The following SORCS2 variants were observed in gnomAD, a reference collection of about 807,000 sequenced individuals.
The protein encoded by SORCS2 is sortilin related VPS10 domain containing receptor 2.
In SORCS2, 100 loss-of-function variants were observed where a neutral mutation model predicts 141.6. That is an observed-to-expected ratio of 0.71 (90% CI 0.60 to 0.83). The LOEUF is 0.83. Among genes scored for constraint, SORCS2 ranks in the 40% least tolerant of loss-of-function variants. The pLI is 0.00. For missense variants in SORCS2, 1,646 were observed against 1,560.2 expected, an observed-to-expected ratio of 1.05 and a Z score of -0.93; for synonymous variants, 789 against 676.9, an observed-to-expected ratio of 1.17 and a Z score of -2.57.
chr4:7,739,722 C>T (rs567579909), intron 26 of SORCS2, among the ~76,000 whole-genome samples: 152 of 152,262 alleles, frequency 1.0e-3, no homozygotes, highest in African/African-American at 3.4e-3. Flanking sequence ...GGGTCCTCGA[C>T]CTGTCTCCTT....
rs192390335 is a variant in SORCS2, at chr4:7,329,570, A to T, written c.481-66718A>T. ...TCTTCATGGCAGGTTTCTTTGGTGA[A>T]GACCTTCAGCCCAGTTCTCCTGCCA... On this transcript the variant is annotated intron_variant, in intron 1 of 26. Transcript: ENST00000507866. 1.1e-4 allele frequency among the ~76,000 whole-genome samples: 16 copies of T among 152,330 alleles called. No homozygotes were observed. In the East Asian group the frequency reaches 3.1e-3, roughly 29 times the overall value.
intron 2 of SORCS2, among the ~76,000 whole-genome samples, chr4:7,487,802 C>A (rs1421249893): frequency 1.3e-5 from 2 of 152,156 alleles, no homozygotes; most frequent in East Asian, 3.9e-4. Context: ...AGCTACGGTA[C>A]CGAGGGCTCT....
intron 2 of SORCS2, among the ~76,000 whole-genome samples, chr4:7,405,696 TC>T (rs1175175232): frequency 6.6e-6 from 1 of 152,116 alleles, no homozygotes; most frequent in Non-Finnish European, 1.5e-5. Flanking sequence ...TGATTTGGTA[TC>T]CTGCAACTTT....
chr4:7,503,001 G>A (rs984748340), intron 2 of SORCS2, among the ~76,000 whole-genome samples: 5 of 152,322 alleles, frequency 3.3e-5, no homozygotes, highest in Non-Finnish European at 5.9e-5. Flanking sequence ...AGTTCCACCC[G>A]ATTTCACGTT....
chr4:7,574,988 C>G (rs1715653208), intron 3 of SORCS2, among the ~76,000 whole-genome samples: 1 of 152,248 alleles, frequency 6.6e-6, no homozygotes, highest in Admixed American at 6.5e-5. Context: ...ATTGTCTCAC[C>G]TCAGTGAAGG....
chr4:7,538,587 T>TCACA (rs34526550), intron 3 of SORCS2, among the ~76,000 whole-genome samples: 2,650 of 150,676 alleles, frequency 0.018, 66 homozygotes, highest in African/African-American at 0.059. Flanking sequence ...AATATTAAAA[T>TCACA]CACACACACA....
At chr4:7,689,982 G>A (rs1724117911) in intron 11 of SORCS2, among the ~76,000 whole-genome samples, 1 of 152,062 alleles carries the variant, frequency 6.6e-6, no homozygotes, top group Non-Finnish European at 1.5e-5. Context: ...GGATGATGGT[G>A]GATGGGTGGT....
intron 2 of SORCS2, among the ~76,000 whole-genome samples, chr4:7,416,613 GAC>G (rs1491492567): frequency 1.3e-5 from 2 of 151,794 alleles, no homozygotes; most frequent in African/African-American, 2.4e-5. Flanking sequence ...CGTATACACA[GAC>G]ACGCATATGG....
chr4:7,640,352 G>C (rs1022679185), intron 4 of SORCS2, among the ~76,000 whole-genome samples: 5 of 150,404 alleles, frequency 3.3e-5, no homozygotes, highest in Non-Finnish European at 7.4e-5. Flanking sequence ...GAGTGTGAGA[G>C]CCTATGTGAG....
At position 7,741,161 on chromosome 4, in the gene SORCS2, C is replaced by A; in HGVS notation, c.*897C>A. On this transcript the variant is annotated 3_prime_UTR_variant, in exon 27 of 27. Transcript: ENST00000507866. ...CCCCCAGAAAGGTGGGTGGTGGAGACGGCACCAGATGTACCAGTTTTCTGC... is the reference window on the plus strand; with the variant it reads ...CCCCCAGAAAGGTGGGTGGTGGAGAAGGCACCAGATGTACCAGTTTTCTGC... The A allele has an allele frequency of 2.5e-6, 1 of 398,618 alleles. No homozygotes were observed. Among genetic ancestry groups the A allele is most frequent in the Non-Finnish European group, 4.4e-6 (1 of 226,106 alleles). The allele number at this position is 398,618 out of a possible 1,614,324, so 24.7% of individuals were successfully genotyped here.
At chr4:7,608,718 C>A (rs1718210800) in intron 3 of SORCS2, among the ~76,000 whole-genome samples, 1 of 152,184 alleles carries the variant, frequency 6.6e-6, no homozygotes, top group Non-Finnish European at 1.5e-5. Flanking sequence ...CTGTGGGCTG[C>A]CCTCCGGTCA....
At chr4:7,313,093 A>T (rs901712110) in intron 1 of SORCS2, among the ~76,000 whole-genome samples, 2 of 152,258 alleles carry the variant, frequency 1.3e-5, no homozygotes, top group African/African-American at 4.8e-5. Flanking sequence ...TGCTGTGCTC[A>T]TGGCCCAGAC....
intron 1 of SORCS2, among the ~76,000 whole-genome samples, chr4:7,312,017 AG>A (rs1718215349): frequency 1.3e-5 from 2 of 152,166 alleles, no homozygotes; most frequent in African/African-American, 4.8e-5. Context: ...CTGGGATTAC[AG>A]GCACGCACCA....
intron 3 of SORCS2, among the ~76,000 whole-genome samples, chr4:7,577,360 CAGGT>C (rs1316224191): frequency 1.3e-5 from 2 of 152,148 alleles, no homozygotes; most frequent in African/African-American, 4.8e-5. Flanking sequence ...CAGGTATAGT[CAGGT>C]GGGTGTACAG....
At chr4:7,498,238 C>T (rs1160849806) in intron 2 of SORCS2, among the ~76,000 whole-genome samples, 1 of 152,200 alleles carries the variant, frequency 6.6e-6, no homozygotes, top group Non-Finnish European at 1.5e-5. Flanking sequence ...GGGCCAACCT[C>T]TCACGCCCAG....
intron 21 of SORCS2, among the ~76,000 whole-genome samples, chr4:7,727,433 C>A (rs962466166): frequency 6.6e-6 from 1 of 152,206 alleles, no homozygotes; most frequent in Non-Finnish European, 1.5e-5. Context: ...GGAGACCCCC[C>A]CCCCCCTTGT....
At chr4:7,457,555 A>G (rs1728995635) in intron 2 of SORCS2, among the ~76,000 whole-genome samples, 1 of 148,430 alleles carries the variant, frequency 6.7e-6, no homozygotes, top group Admixed American at 6.7e-5. Context: ...AACATCACAA[A>G]GCTGACAGGT....
chr4:7,587,060 C>T (rs897507414), intron 3 of SORCS2, among the ~76,000 whole-genome samples: 5 of 151,902 alleles, frequency 3.3e-5, no homozygotes, highest in South Asian at 2.1e-4. Flanking sequence ...CGGAGATGGG[C>T]GGGGCTGCCC....
intron 2 of SORCS2, among the ~76,000 whole-genome samples, chr4:7,527,113 C>T (rs950687525): frequency 3.9e-5 from 6 of 152,190 alleles, no homozygotes; most frequent in African/African-American, 1.4e-4. Flanking sequence ...CCGCCCGCCC[C>T]ACCCACCTCC....
Sources: gnomAD v4.1 joint callset for allele counts (sites outside exome capture counted in the v4.1 genomes callset) on GRCh38, gnomAD v4.1.1 for gene constraint, MANE v1.5 for transcripts, NCBI Gene and HGNC (gene_info 2026-07-23, HGNC 2026-07-21) for gene names.